Variants in CALN1 observed in about 807,000 individuals in gnomAD.
The protein encoded by CALN1 is calneuron 1.
CALN1 carries 17 observed loss-of-function variants against 30.6 expected under a neutral mutation model. The observed-to-expected ratio is 0.56, with a 90% CI of 0.38 to 0.83. CALN1 has a LOEUF of 0.83. Ranked by LOEUF, CALN1 falls within the 40% of genes least tolerant of loss-of-function variation. The probability of loss-of-function intolerance (pLI) is 0.00; values close to 1 mark genes in which losing one functional copy is unlikely to be tolerated. For synonymous variants in CALN1, 156 were observed against 131.4 expected (o/e 1.19, Z -1.28); for missense variants, 291 against 354.9 (o/e 0.82, Z 1.45).
intron 3 of CALN1, among the ~76,000 whole-genome samples, chr7:72,117,587 T>A (rs568393839): frequency 3.9e-5 from 6 of 152,098 alleles, no homozygotes; most frequent in Non-Finnish European, 7.4e-5. Flanking sequence ...TGCTTGGGGG[T>A]CCCTTTGGCC....
intron 5 of CALN1, among the ~76,000 whole-genome samples, chr7:71,846,858 ATATG>A (rs1249324478): frequency 3.0e-4 from 44 of 146,530 alleles, no homozygotes; most frequent in Admixed American, 5.5e-4. Context: ...ATATATGTAT[ATATG>A]TATGTATATA....
At chr7:71,823,085 C>T (rs1367619171) in intron 5 of CALN1, among the ~76,000 whole-genome samples, 1 of 151,332 alleles carries the variant, frequency 6.6e-6, no homozygotes, top group Non-Finnish European at 1.5e-5. Flanking sequence ...TCTCTCATGA[C>T]AGACAATTTA....
intron 5 of CALN1, among the ~76,000 whole-genome samples, chr7:71,830,318 C>T (rs760288366): frequency 1.3e-5 from 2 of 151,670 alleles, no homozygotes; most frequent in Non-Finnish European, 1.5e-5. Flanking sequence ...GCTGGGATTA[C>T]AGGCATGAGC....
rs140890093 is a variant in CALN1, at chr7:72,277,923, C to T, written c.244+763G>A. Among the ~76,000 whole-genome samples, 651 of 147,146 alleles carry T rather than the reference C, an allele frequency of 4.4e-3. 6 individuals are homozygous for T. Among genetic ancestry groups the T allele is most frequent in the African/African-American group, 0.015 (613 of 39,866 alleles). On this transcript the variant is annotated intron_variant, in intron 3 of 6. Coordinates refer to ENST00000395275, the MANE Select transcript of CALN1 (RefSeq NM_031468.4). ...ACAAACAACAAAGTATTCAAAAACA[C>T]GAGGGAAAACTGATTCTGGTTTGAC...
At chr7:72,290,956 C>G (rs766768606) in intron 2 of CALN1, among the ~76,000 whole-genome samples, 9 of 149,212 alleles carry the variant, frequency 6.0e-5, no homozygotes, top group Non-Finnish European at 1.0e-4. Flanking sequence ...AGAGATCTCA[C>G]TCTGTCATCC....
At chr7:72,130,366 C>T (rs1395225013) in intron 3 of CALN1, among the ~76,000 whole-genome samples, 1 of 152,032 alleles carries the variant, frequency 6.6e-6, no homozygotes, top group African/African-American at 2.4e-5. Context: ...AATGAAGAAG[C>T]CAGATGCAAA....
At chr7:71,825,758 C>A (rs1210110875) in intron 5 of CALN1, among the ~76,000 whole-genome samples, 1 of 152,034 alleles carries the variant, frequency 6.6e-6, no homozygotes, top group Non-Finnish European at 1.5e-5. Flanking sequence ...CAGGGCTGGG[C>A]ATGGTGGCTC....
intron 5 of CALN1, among the ~76,000 whole-genome samples, chr7:71,874,046 G>A (rs372053924): frequency 5.6e-4 from 86 of 152,226 alleles, no homozygotes; most frequent in African/African-American, 2.0e-3. Context: ...AGGCTGAGGC[G>A]GGTGGATCAC....
chr7:72,175,848 G>A (rs1371492227), intron 3 of CALN1, among the ~76,000 whole-genome samples: 1 of 152,172 alleles, frequency 6.6e-6, no homozygotes, highest in Non-Finnish European at 1.5e-5. Context: ...GAGGAAGAGG[G>A]AAAGTCTCTT....
chr7:72,341,539 GACAA>G lies in CALN1; in HGVS notation c.119+61708_119+61711del, dbSNP rs200772897. On this transcript the variant is annotated intron_variant, in intron 2 of 6. Transcript: ENST00000395275. ...CTCAGTCTCAAAAAACAAAAAAACA[GACAA>G]ACAAACAAATGCCTTGGTAAGTGTA... Among the ~76,000 whole-genome samples the G allele has an allele frequency of 4.2e-3, 537 of 128,506 alleles. 4 individuals are homozygous for G. The highest frequency in any genetic ancestry group is 0.019 in the Middle Eastern group (5 of 262). The allele number at this position is 128,506 out of a possible 152,430, so 84.3% of individuals were successfully genotyped here. A position where few individuals can be genotyped will look rare whatever the true frequency, so the allele number is the denominator to read the frequency against.
At chr7:71,877,657 A>G (rs2116786719) in intron 5 of CALN1, among the ~76,000 whole-genome samples, 1 of 150,896 alleles carries the variant, frequency 6.6e-6, no homozygotes, top group African/African-American at 2.4e-5. Context: ...ACGATGGAGA[A>G]ATAAAAAGAC....
At chr7:72,181,980 G>C (rs546235671) in intron 3 of CALN1, among the ~76,000 whole-genome samples, 1 of 152,160 alleles carries the variant, frequency 6.6e-6, no homozygotes, top group Non-Finnish European at 1.5e-5. Context: ...TTACAGACTC[G>C]AGCAGCTGTT....
At chr7:72,375,499 G>A (rs548491816) in intron 2 of CALN1, among the ~76,000 whole-genome samples, 7 of 150,312 alleles carry the variant, frequency 4.7e-5, no homozygotes, top group Admixed American at 2.7e-4. Context: ...TCTGGAGGTC[G>A]AGGCTGCAGT....
At chr7:72,447,117 G>T, upstream of CALN1, 1 of 167,018 alleles carries the variant, frequency 6.0e-6, no homozygotes. Flanking sequence ...CATCAGGAAG[G>T]AGCAGGGCAC....
chr7:72,306,684 A>AT (rs1799677588), intron 2 of CALN1, among the ~76,000 whole-genome samples: 1 of 152,178 alleles, frequency 6.6e-6, no homozygotes, highest in African/African-American at 2.4e-5. Flanking sequence ...AAATTTACCT[A>AT]TAGCCTAGAA....
intron 5 of CALN1, among the ~76,000 whole-genome samples, chr7:71,830,127 T>A (rs1410430802): frequency 6.6e-6 from 1 of 150,732 alleles, no homozygotes; most frequent in Non-Finnish European, 1.5e-5. Flanking sequence ...CACTGCAACC[T>A]CTGCCTCCCA....
At chr7:72,245,666 G>A (rs1795114705) in intron 3 of CALN1, among the ~76,000 whole-genome samples, 1 of 144,324 alleles carries the variant, frequency 6.9e-6, no homozygotes, top group African/African-American at 2.6e-5. Flanking sequence ...AAATAAAGTT[G>A]AGTAAAACAA....
chr7:72,102,936 G>A (rs1806782477), intron 4 of CALN1, among the ~76,000 whole-genome samples: 1 of 152,032 alleles, frequency 6.6e-6, no homozygotes, highest in African/African-American at 2.4e-5. Flanking sequence ...AGCTGGGCAT[G>A]GTGGTGGGCA....
At chr7:72,458,234 T>A in the CALN1 span, among the ~76,000 whole-genome samples, 51 of 105,764 alleles carry the variant, frequency 4.8e-4, no homozygotes, top group Non-Finnish European at 7.5e-4. Flanking sequence ...TATAATATAT[T>A]CTATATTATA....
Sources: gnomAD v4.1 joint callset for allele counts (sites outside exome capture counted in the v4.1 genomes callset) on GRCh38, gnomAD v4.1.1 for gene constraint, MANE v1.5 for transcripts, NCBI Gene and HGNC (gene_info 2026-07-23, HGNC 2026-07-21) for gene names.